Variants in ACVR1 observed in about 807,000 individuals in gnomAD.
The protein encoded by ACVR1 is activin receptor type-1.
ACVR1 carries 38 observed loss-of-function variants against 57.1 expected under a neutral mutation model. The observed-to-expected ratio is 0.67, with a 90% CI of 0.51 to 0.87. ACVR1 has a LOEUF of 0.87. Among genes scored for constraint, ACVR1 ranks in the 40% least tolerant of loss-of-function variants. ACVR1 has a pLI of 0.00. For missense variants in ACVR1, 463 were observed against 638.2 expected (o/e 0.73, Z 2.96); for synonymous variants, 212 against 228.1 (o/e 0.93, Z 0.63).
intron 9 of ACVR1, among the ~76,000 whole-genome samples, chr2:157,745,393 T>C (rs1285606477): frequency 6.6e-6 from 1 of 152,210 alleles, no homozygotes; most frequent in African/African-American, 2.4e-5. Flanking sequence ...TCACTGAATG[T>C]TGTGGCTGTT....
intron 1 of ACVR1, among the ~76,000 whole-genome samples, chr2:157,855,286 GTGTGTGT>G: frequency 1.3e-5 from 1 of 74,858 alleles, no homozygotes; most frequent in African/African-American, 4.9e-5. Flanking sequence ...GTGTGTGTGT[GTGTGTGT>G]GTGTGTGTGT....
intron 1 of ACVR1, among the ~76,000 whole-genome samples, chr2:157,870,035 G>A (rs759289478): frequency 2.0e-5 from 3 of 152,136 alleles, no homozygotes; most frequent in East Asian, 1.9e-4. Context: ...CACCCCAAGC[G>A]TAGCCAACAC....
In ACVR1 at chr2:157,764,513, C is replaced by T. The variant is rs770471226; in HGVS notation, c.1066+1408G>A. Among the ~76,000 whole-genome samples the T allele has an allele frequency of 1.2e-4, 18 of 151,956 alleles. 1 individual carries two copies. The highest frequency in any genetic ancestry group is 3.4e-3 in the Middle Eastern group (1 of 294). On this transcript the variant is annotated intron_variant, in intron 8 of 10. Coordinates refer to ENST00000434821, the MANE Select transcript of ACVR1 (RefSeq NM_001111067.4). ...GTGAGCCACCGCGCCCGGCCACGAT[C>T]ACACTGTTATGCAAGTTTCTAACAA...
intron 1 of ACVR1, among the ~76,000 whole-genome samples, chr2:157,873,851 TAATC>T (rs1170997172): frequency 3.3e-5 from 5 of 152,342 alleles, no homozygotes; most frequent in Non-Finnish European, 4.4e-5. Flanking sequence ...ACAAATCTAT[TAATC>T]AAATTAAGTT....
At chr2:157,827,384 A>C (rs1688422842) in intron 1 of ACVR1, among the ~76,000 whole-genome samples, 1 of 152,236 alleles carries the variant, frequency 6.6e-6, no homozygotes, top group Non-Finnish European at 1.5e-5. Context: ...AAAAGAAAAG[A>C]AAAATGAACA....
intron 9 of ACVR1, among the ~76,000 whole-genome samples, chr2:157,748,254 CAGGCCTGCTTGGCT>C (rs1339189705): frequency 6.6e-6 from 1 of 152,120 alleles, no homozygotes; most frequent in Non-Finnish European, 1.5e-5. Flanking sequence ...CTCTGCTGAG[CAGGCCTGCTTGGCT>C]CAGCTCTGGC....
chr2:157,749,953 G>A (rs1685118056), intron 9 of ACVR1, among the ~76,000 whole-genome samples: 1 of 152,250 alleles, frequency 6.6e-6, no homozygotes. Flanking sequence ...TCATCTGGGT[G>A]CCTAGGGATT....
chr2:157,814,711 A>G (rs757008715), intron 2 of ACVR1, among the ~76,000 whole-genome samples: 1 of 152,208 alleles, frequency 6.6e-6, no homozygotes, highest in African/African-American at 2.4e-5. Context: ...GATAATAAAA[A>G]CTGGAAATGA....
chr2:157,789,643 AGAAGGAAATG>A (rs1168604483), intron 3 of ACVR1, among the ~76,000 whole-genome samples: 1 of 152,258 alleles, frequency 6.6e-6, no homozygotes, highest in African/African-American at 2.4e-5. Flanking sequence ...ATTAAAGTCC[AGAAGGAAATG>A]GAAGAAATCC....
Position 157,754,803 on chromosome 2 carries a change from C to G in ACVR1, c.1264+6077G>C, listed in dbSNP as rs181873166. ...ATACCAAAACCAGGAAAGAACATAA[C>G]AAAAAAAGAAAAGTACAGACCAATA... On this transcript the variant is annotated intron_variant, in intron 9 of 10. Transcript: ENST00000434821. Among the ~76,000 whole-genome samples, 16 of 151,798 alleles carry G rather than the reference C, an allele frequency of 1.1e-4. No individual in the cohort carries two copies. The East Asian group carries it at 3.1e-3, about 29-fold the overall frequency.
intron 1 of ACVR1, among the ~76,000 whole-genome samples, chr2:157,852,251 A>C (rs1380261260): frequency 2.6e-5 from 4 of 152,106 alleles, no homozygotes; most frequent in African/African-American, 9.7e-5. Flanking sequence ...TAATCCCAGC[A>C]CTTTGGGAGG....
chr2:157,843,426 G>A (rs902912765), intron 1 of ACVR1, among the ~76,000 whole-genome samples: 1 of 152,064 alleles, frequency 6.6e-6, no homozygotes, highest in Admixed American at 6.6e-5. Context: ...CCACTGTGAC[G>A]GAGATTTGCA....
intron 2 of ACVR1, among the ~76,000 whole-genome samples, chr2:157,814,995 A>C (rs1687881794): frequency 6.6e-6 from 1 of 152,280 alleles, no homozygotes. Flanking sequence ...AGGCTGAGGC[A>C]GGAGAATGTC....
In ACVR1 at chr2:157,766,913, A is replaced by C. The variant is rs1685883425; in HGVS notation, c.791-717T>G. Among the ~76,000 whole-genome samples the C allele has an allele frequency of 3.3e-5, 5 of 152,368 alleles. No homozygotes were observed. The South Asian group carries it at 8.3e-4, about 25-fold the overall frequency. On this transcript the variant is annotated intron_variant, in intron 7 of 10. Transcript: ENST00000434821. ...ACATGAGCCCAGAGCAGGAAATTAT[A>C]GTAATTCAGACTAGGTGTTACAATA...
intron 3 of ACVR1, among the ~76,000 whole-genome samples, chr2:157,794,569 C>T (rs553790465): frequency 2.0e-5 from 3 of 152,206 alleles, no homozygotes; most frequent in East Asian, 3.9e-4. Context: ...AGCTCTTGAA[C>T]ACCATTCCTC....
intron 9 of ACVR1, among the ~76,000 whole-genome samples, chr2:157,743,227 C>G (rs1443770287): frequency 6.6e-6 from 1 of 152,170 alleles, no homozygotes; most frequent in Non-Finnish European, 1.5e-5. Context: ...ATTCAACCCA[C>G]AGATGACTCA....
intron 4 of ACVR1, among the ~76,000 whole-genome samples, chr2:157,779,774 G>A (rs1458615375): frequency 6.6e-6 from 1 of 152,170 alleles, no homozygotes; most frequent in Non-Finnish European, 1.5e-5. Flanking sequence ...ACTGATGGTA[G>A]AGAGAAGATT....
intron 1 of ACVR1, among the ~76,000 whole-genome samples, chr2:157,867,766 C>A (rs1258590108): frequency 6.6e-6 from 1 of 151,872 alleles, no homozygotes; most frequent in Non-Finnish European, 1.5e-5. Context: ...AGTTTTCAAC[C>A]TCTGCTCTGG....
At chr2:157,835,821 G>A (rs1688764399) in intron 1 of ACVR1, among the ~76,000 whole-genome samples, 1 of 152,224 alleles carries the variant, frequency 6.6e-6, no homozygotes, top group South Asian at 2.1e-4. Context: ...TAACCAGTAT[G>A]CAGATTACAT....
Sources: gnomAD v4.1 joint callset for allele counts (sites outside exome capture counted in the v4.1 genomes callset) on GRCh38, gnomAD v4.1.1 for gene constraint, MANE v1.5 for transcripts, NCBI Gene and HGNC (gene_info 2026-07-23, HGNC 2026-07-21) for gene names.